Variants in MGAT4C observed in about 807,000 individuals in gnomAD.
The protein encoded by MGAT4C is alpha-1,3-mannosyl-glycoprotein 4-beta-N-acetylglucosaminyltransferase C.
A neutral mutation model predicts 40.1 loss-of-function variants in MGAT4C; 19 were observed. The observed-to-expected ratio is 0.47, with a 90% CI of 0.33 to 0.70. The LOEUF is 0.70. Among genes scored for constraint, MGAT4C ranks in the 30% least tolerant of loss-of-function variants. The probability of loss-of-function intolerance (pLI) is 0.02; values close to 1 mark genes in which losing one functional copy is unlikely to be tolerated. For synonymous variants in MGAT4C, 181 were observed against 187.1 expected (o/e 0.97, Z 0.27); for missense variants, 491 against 563.2 (o/e 0.87, Z 1.30).
intron 1 of MGAT4C, among the ~76,000 whole-genome samples, chr12:86,792,891 A>G (rs1952050852): frequency 6.6e-6 from 1 of 152,178 alleles, no homozygotes; most frequent in African/African-American, 2.4e-5. Flanking sequence ...AGATCGTGCC[A>G]CTGCACTCCA....
rs114174227 is a variant in MGAT4C, at chr12:86,137,239, G to A, written c.-56-87516C>T. ...CCATTCTTGACTACTTTTTCCTCATGGAAACATAAGACTCAATTTATTTTG... is the reference window on the plus strand; with the variant it reads ...CCATTCTTGACTACTTTTTCCTCATAGAAACATAAGACTCAATTTATTTTG... On this transcript the variant is annotated intron_variant, in intron 1 of 4. Transcript: ENST00000611864. Among the ~76,000 whole-genome samples the A allele has an allele frequency of 3.8e-3, 579 of 152,130 alleles. 4 individuals are homozygous for A. Among genetic ancestry groups the A allele is most frequent in the African/African-American group, 0.013 (554 of 41,488 alleles).
chr12:86,110,867 A>G (rs965044207), intron 1 of MGAT4C, among the ~76,000 whole-genome samples: 3 of 151,780 alleles, frequency 2.0e-5, no homozygotes, highest in Admixed American at 6.6e-5. Context: ...ATGTATAACT[A>G]TTATGCCGTT....
chr12:86,689,579 A>G (rs1367931802), intron 2 of MGAT4C, among the ~76,000 whole-genome samples: 1 of 152,150 alleles, frequency 6.6e-6, no homozygotes, highest in Non-Finnish European at 1.5e-5. Context: ...TCTCTTGTGC[A>G]GGTCTGTTGG....
At position 86,279,160 on chromosome 12, in the gene MGAT4C, T is replaced by C. The variant is rs116584929; in HGVS notation, c.-57+54905A>G. ...TTGTCTGATTTTGGTATTAGGATAA[T>C]ACTGGCCTTGTAGAATGAGTTTGGA... On this transcript the variant is annotated intron_variant, in intron 4 of 7. Transcript: ENST00000548651. 3.3e-3 allele frequency among the ~76,000 whole-genome samples: 510 copies of C among 152,304 alleles called. 1 individual carries two copies. The highest frequency in any genetic ancestry group is 0.011 in the African/African-American group (471 of 41,572).
chr12:86,249,829 A>G (rs1952192853), intron 1 of MGAT4C, among the ~76,000 whole-genome samples: 1 of 152,170 alleles, frequency 6.6e-6, no homozygotes. Flanking sequence ...TCCAAAACTC[A>G]GCTAAGTGAC....
chr12:86,367,779 G>A (rs747164898), intron 3 of MGAT4C, among the ~76,000 whole-genome samples: 8 of 151,978 alleles, frequency 5.3e-5, no homozygotes, highest in Non-Finnish European at 7.4e-5. Flanking sequence ...CAGCCTAGGC[G>A]ACAGAGCGAG....
chr12:86,392,960 A>C (rs968609890), intron 3 of MGAT4C, among the ~76,000 whole-genome samples: 1 of 152,190 alleles, frequency 6.6e-6, no homozygotes, highest in African/African-American at 2.4e-5. Context: ...GAAGTATTTT[A>C]ACCTATAATA....
chr12:86,132,519 C>T (rs1289158888), intron 1 of MGAT4C, among the ~76,000 whole-genome samples: 2 of 152,124 alleles, frequency 1.3e-5, no homozygotes, highest in Admixed American at 6.5e-5. Context: ...GACGGCTGGG[C>T]GCGGTGGCTC....
intron 3 of MGAT4C, among the ~76,000 whole-genome samples, chr12:86,358,804 C>T (rs922051044): frequency 6.6e-5 from 10 of 152,192 alleles, no homozygotes; most frequent in Non-Finnish European, 1.5e-5. Flanking sequence ...GCACCCAATA[C>T]AGGAGCACCC....
chr12:86,116,674 G>A (rs1335297453), intron 1 of MGAT4C, among the ~76,000 whole-genome samples: 1 of 152,030 alleles, frequency 6.6e-6, no homozygotes, highest in African/African-American at 2.4e-5. Flanking sequence ...TACCTCATGG[G>A]AAAATAAGTA....
intron 2 of MGAT4C, among the ~76,000 whole-genome samples, chr12:86,521,514 C>T (rs542782078): frequency 7.9e-5 from 12 of 152,068 alleles, no homozygotes; most frequent in African/African-American, 2.9e-4. Flanking sequence ...GATTTCTCCA[C>T]ACTTGTTCTT....
intron 2 of MGAT4C, among the ~76,000 whole-genome samples, chr12:85,998,691 GTTC>G (rs560596447): frequency 6.6e-6 from 1 of 152,096 alleles, no homozygotes. Flanking sequence ...TTCCCAACAA[GTTC>G]TTCTTCTCCA....
chr12:86,615,872 C>G (rs969992595), intron 2 of MGAT4C, among the ~76,000 whole-genome samples: 2 of 151,966 alleles, frequency 1.3e-5, no homozygotes, highest in African/African-American at 4.8e-5. Flanking sequence ...GGTCAGATAC[C>G]ACAGCAAGAG....
chr12:86,813,196 A>G (rs999440618), intron 1 of MGAT4C, among the ~76,000 whole-genome samples: 2 of 152,050 alleles, frequency 1.3e-5, no homozygotes, highest in African/African-American at 4.8e-5. Context: ...TATCATATCC[A>G]GACTGAAAAA....
chr12:86,642,641 T>C (rs1321798063), intron 2 of MGAT4C, among the ~76,000 whole-genome samples: 4 of 151,728 alleles, frequency 2.6e-5, no homozygotes, highest in Admixed American at 1.3e-4. Flanking sequence ...TACTAAAAAT[T>C]TGACATTAGA....
chr12:86,657,115 C>T (rs370528536), intron 2 of MGAT4C, among the ~76,000 whole-genome samples: 9 of 152,012 alleles, frequency 5.9e-5, no homozygotes, highest in East Asian at 1.9e-4. Flanking sequence ...GCCATATCTT[C>T]CATTATATTC....
chr12:86,091,881 T>C (rs189131186), intron 1 of MGAT4C, among the ~76,000 whole-genome samples: 42 of 151,282 alleles, frequency 2.8e-4, no homozygotes, highest in African/African-American at 1.0e-3. Context: ...AGAGGAAAGC[T>C]ACCCTTCCCT....
intron 1 of MGAT4C, among the ~76,000 whole-genome samples, chr12:86,246,401 T>G (rs930816818): frequency 1.1e-4 from 16 of 152,146 alleles, no homozygotes; most frequent in African/African-American, 3.6e-4. Flanking sequence ...TCCAGAAGGT[T>G]TCTTTGTTTA....
intron 2 of MGAT4C, among the ~76,000 whole-genome samples, chr12:86,707,694 C>T (rs1431111878): frequency 1.3e-5 from 2 of 151,920 alleles, no homozygotes; most frequent in Non-Finnish European, 2.9e-5. Flanking sequence ...CCGTACCATG[C>T]TAATTTTTTG....
Sources: gnomAD v4.1 joint callset for allele counts (sites outside exome capture counted in the v4.1 genomes callset) on GRCh38, gnomAD v4.1.1 for gene constraint, MANE v1.5 for transcripts, NCBI Gene and HGNC (gene_info 2026-07-23, HGNC 2026-07-21) for gene names.